The following NKAIN3 variants were observed in gnomAD, a reference collection of about 807,000 sequenced individuals.
The protein encoded by NKAIN3 is sodium/potassium-transporting ATPase subunit beta-1-interacting protein 3.
A neutral mutation model predicts 30.2 loss-of-function variants in NKAIN3; 25 were observed. The ratio of observed to expected loss-of-function variants is 0.83; its 90% CI spans 0.60 to 1.16. NKAIN3 has a LOEUF of 1.16. Ranked by LOEUF, NKAIN3 falls within the 50% of genes most tolerant of loss-of-function variation. The pLI, the probability that NKAIN3 is intolerant of heterozygous loss-of-function variation, is 0.00. For synonymous variants in NKAIN3, 91 were observed against 89.6 expected, an observed-to-expected ratio of 1.02 and a Z score of -0.09; for missense variants, 225 against 254.1, an observed-to-expected ratio of 0.89 and a Z score of 0.78.
chr8:62,919,227 A>ATTTTTTT (rs71255371), intron 5 of NKAIN3, among the ~76,000 whole-genome samples: 633 of 47,220 alleles, frequency 0.013, 84 homozygotes, highest in East Asian at 0.019. Context: ...TACTTTCAAA[A>ATTTTTTT]TTTTTTTTTT....
intron 1 of NKAIN3, among the ~76,000 whole-genome samples, chr8:62,332,296 T>G (rs1449588639): frequency 6.6e-6 from 1 of 152,130 alleles, no homozygotes; most frequent in African/African-American, 2.4e-5. Context: ...ATTCTAGATA[T>G]CCATTGCTAA....
intron 6 of NKAIN3, among the ~76,000 whole-genome samples, chr8:62,964,537 A>AGTGTGT (rs56313500): frequency 0.014 from 1,800 of 133,184 alleles, 17 homozygotes; most frequent in Non-Finnish European, 0.02. Flanking sequence ...AGAGAGAGAG[A>AGTGTGT]GTGTGTGTGT....
intron 1 of NKAIN3, among the ~76,000 whole-genome samples, chr8:62,328,840 A>T (rs192295565): frequency 6.6e-6 from 1 of 152,112 alleles, no homozygotes; most frequent in African/African-American, 2.4e-5. Flanking sequence ...TCAGCCTTCA[A>T]GATACCACCC....
Position 62,900,098 on chromosome 8 carries a change from C to G in NKAIN3, c.472-18355C>G, listed in dbSNP as rs143541612. Among the ~76,000 whole-genome samples, 141 of 151,060 alleles carry G rather than the reference C, an allele frequency of 9.3e-4. 1 individual carries two copies. In the Middle Eastern group the frequency reaches 0.021, roughly 23 times the overall value. On this transcript the variant is annotated intron_variant, in intron 4 of 6. Transcript: ENST00000623646. ...AAGTTCTGATTTCTATTGATTTGAA[C>G]ATATTATTATGAAAAATTGATGGTT...
At chr8:62,590,740 C>T (rs1046191921) in intron 3 of NKAIN3, among the ~76,000 whole-genome samples, 11 of 151,756 alleles carry the variant, frequency 7.2e-5, no homozygotes, top group African/African-American at 2.7e-4. Context: ...GGTAACAAAA[C>T]ATGTTTGATT....
chr8:62,695,856 G>T (rs1012095909), intron 3 of NKAIN3, among the ~76,000 whole-genome samples: 1 of 152,096 alleles, frequency 6.6e-6, no homozygotes, highest in Non-Finnish European at 1.5e-5. Context: ...TCTGCCATTT[G>T]CTCTTCTCTC....
At chr8:62,268,457 G>A (rs1812674042) in intron 1 of NKAIN3, among the ~76,000 whole-genome samples, 1 of 152,102 alleles carries the variant, frequency 6.6e-6, no homozygotes, top group African/African-American at 2.4e-5. Context: ...CATGACCAGA[G>A]TCAGGGATCT....
chr8:62,355,523 A>C (rs980184122), intron 1 of NKAIN3, among the ~76,000 whole-genome samples: 2 of 152,154 alleles, frequency 1.3e-5, no homozygotes, highest in African/African-American at 4.8e-5. Flanking sequence ...ATACAAGGTA[A>C]CTCAGCATCA....
intron 1 of NKAIN3, among the ~76,000 whole-genome samples, chr8:62,530,944 C>T (rs1190267339): frequency 1.3e-5 from 2 of 152,212 alleles, no homozygotes; most frequent in East Asian, 3.9e-4. Context: ...CGTGCCTGGC[C>T]CACTTCCTGG....
At chr8:62,757,810 A>G (rs563023674) in intron 4 of NKAIN3, among the ~76,000 whole-genome samples, 1 of 152,196 alleles carries the variant, frequency 6.6e-6, no homozygotes, top group Non-Finnish European at 1.5e-5. Flanking sequence ...TTAAAGCTGG[A>G]AAGAAAGGTT....
chr8:62,914,317 G>T (rs1185362320), intron 4 of NKAIN3, among the ~76,000 whole-genome samples: 1 of 152,052 alleles, frequency 6.6e-6, no homozygotes. Context: ...CACAAAGAAA[G>T]AAACAATAGA....
intron 1 of NKAIN3, among the ~76,000 whole-genome samples, chr8:62,489,690 A>G (rs1488582247): frequency 6.6e-6 from 1 of 152,268 alleles, no homozygotes; most frequent in African/African-American, 2.4e-5. Flanking sequence ...CAATGAGGAA[A>G]TCAATAACCA....
chr8:62,803,595 T>A (rs2130699176), intron 4 of NKAIN3, among the ~76,000 whole-genome samples: 1 of 152,060 alleles, frequency 6.6e-6, no homozygotes, highest in South Asian at 2.1e-4. Flanking sequence ...TACCAGAATC[T>A]CTGGGACACA....
At chr8:62,950,977 T>C (rs1011721829) in intron 5 of NKAIN3, among the ~76,000 whole-genome samples, 3 of 147,958 alleles carry the variant, frequency 2.0e-5, no homozygotes, top group East Asian at 4.2e-4. Flanking sequence ...TTTAGAATTC[T>C]CTTTTAACTG....
intron 1 of NKAIN3, among the ~76,000 whole-genome samples, chr8:62,324,626 CTT>C (rs1223166857): frequency 2.6e-5 from 4 of 152,094 alleles, no homozygotes; most frequent in Non-Finnish European, 5.9e-5. Context: ...AGGCACCAGT[CTT>C]TTGAAATTCC....
intron 3 of NKAIN3, among the ~76,000 whole-genome samples, chr8:62,665,365 A>G (rs1261346811): frequency 3.3e-5 from 5 of 151,366 alleles, no homozygotes; most frequent in Non-Finnish European, 7.4e-5. Context: ...GAGATTTACC[A>G]TAAAAAAAAA....
intron 1 of NKAIN3, among the ~76,000 whole-genome samples, chr8:62,408,821 T>TA (rs550601239): frequency 2.6e-5 from 4 of 152,172 alleles, no homozygotes; most frequent in Non-Finnish European, 2.9e-5. Context: ...GTTTTCTTTA[T>TA]AAAAAAAATT....
intron 5 of NKAIN3, among the ~76,000 whole-genome samples, chr8:62,941,792 C>G (rs1159475050): frequency 6.6e-6 from 1 of 152,080 alleles, no homozygotes; most frequent in Non-Finnish European, 1.5e-5. Context: ...TATGACAAAC[C>G]CACAGCCAAC....
intron 1 of NKAIN3, among the ~76,000 whole-genome samples, chr8:62,568,975 T>C (rs1336288615): frequency 6.6e-6 from 1 of 152,142 alleles, no homozygotes; most frequent in Non-Finnish European, 1.5e-5. Flanking sequence ...CCTAGCTACA[T>C]AAGCACTAAT....
Sources: allele counts gnomAD v4.1 joint callset (sites outside exome capture counted in the v4.1 genomes callset), GRCh38; gene constraint gnomAD v4.1.1; transcripts MANE v1.5; gene names NCBI Gene and HGNC (gene_info 2026-07-23, HGNC 2026-07-21).